The following CCDC60 variants were observed in gnomAD, a reference collection of about 807,000 sequenced individuals.
The protein encoded by CCDC60 is coiled-coil domain containing 60.
A neutral mutation model predicts 63.5 loss-of-function variants in CCDC60; 54 were observed. The ratio of observed to expected loss-of-function variants is 0.85; its 90% CI spans 0.68 to 1.07. The LOEUF (loss-of-function observed/expected upper bound fraction) is 1.07. Among genes scored for constraint, CCDC60 ranks in the 50% least tolerant of loss-of-function variants. CCDC60 has a pLI of 0.00. For missense variants in CCDC60, 651 were observed against 684.3 expected (o/e 0.95, Z 0.54); for synonymous variants, 206 against 238.8 (o/e 0.86, Z 1.27).
chr12:119,446,530 T>C (rs1950544282), intron 2 of CCDC60, among the ~76,000 whole-genome samples: 1 of 151,816 alleles, frequency 6.6e-6, no homozygotes, highest in Admixed American at 6.6e-5. Flanking sequence ...AAGATAAAAA[T>C]AAAAGCTTAA....
At chr12:119,394,512 G>A (rs1267515048) in intron 1 of CCDC60, among the ~76,000 whole-genome samples, 1 of 152,108 alleles carries the variant, frequency 6.6e-6, no homozygotes, top group Admixed American at 6.6e-5. Context: ...CTGCCCCCCA[G>A]GCATCCCCTA....
chr12:119,444,178 A>G (rs541350239), intron 2 of CCDC60, among the ~76,000 whole-genome samples: 1 of 152,352 alleles, frequency 6.6e-6, no homozygotes, highest in Non-Finnish European at 1.5e-5. Context: ...GCCTTGAAAG[A>G]CAAACAGCTA....
intron 1 of CCDC60, among the ~76,000 whole-genome samples, chr12:119,369,976 G>A (rs775905488): frequency 8.5e-5 from 13 of 152,112 alleles, no homozygotes; most frequent in Non-Finnish European, 1.9e-4. Flanking sequence ...CAAGACCCAG[G>A]CAGGAAATAC....
At chr12:119,427,795 G>C (rs1324866788) in intron 1 of CCDC60, among the ~76,000 whole-genome samples, 1 of 152,036 alleles carries the variant, frequency 6.6e-6, no homozygotes, top group East Asian at 1.9e-4. Context: ...TCTGATTATT[G>C]TTTCTCCAAA....
chr12:119,367,895 T>C (rs1330123590), intron 1 of CCDC60, among the ~76,000 whole-genome samples: 2 of 143,436 alleles, frequency 1.4e-5, no homozygotes, highest in African/African-American at 4.9e-5. Context: ...GGGTAATATA[T>C]AAAGGGGTTT....
intron 7 of CCDC60, among the ~76,000 whole-genome samples, chr12:119,512,562 T>C (rs474932): frequency 0.66 from 100,314 of 152,088 alleles, 34,858 homozygotes; most frequent in East Asian, 0.89. Flanking sequence ...GTGCAATGGA[T>C]GGAGATGGGA....
chr12:119,456,047 G>GAAAGA lies in CCDC60; in HGVS notation c.171-15944_171-15940dup, dbSNP rs1950739151. On this transcript the variant is annotated intron_variant, in intron 2 of 13. Transcript: ENST00000327554. The surrounding 1 kb of genome is among the most constrained non-coding windows in gnomAD (Gnocchi z 4.6). ...AGAAAGAAAGAAAGAAAGAAAGAAA[G>GAAAGA]AAAGAAAGAAAGAAAGCAAGCAAGC... Among the ~76,000 whole-genome samples the GAAAGA allele has an allele frequency of 6.8e-6, 1 of 147,316 alleles. No individual in the cohort carries two copies. The highest frequency in any genetic ancestry group is 2.5e-5 in the African/African-American group (1 of 39,748).
chr12:119,513,966 G>A (rs1233312938), intron 7 of CCDC60, among the ~76,000 whole-genome samples: 1 of 152,064 alleles, frequency 6.6e-6, no homozygotes, highest in African/African-American at 2.4e-5. Context: ...AGTGAATTGT[G>A]AAACAGCCCT....
intron 1 of CCDC60, among the ~76,000 whole-genome samples, chr12:119,361,005 G>A (rs538142579): frequency 0.055 from 8,389 of 151,806 alleles, 287 homozygotes; most frequent in Non-Finnish European, 0.069. Flanking sequence ...GCGTGGCGGC[G>A]TGCGCCTGCA....
rs754766528 is a variant in CCDC60 at position 119,519,451 on chromosome 12, G to GTATA, written c.969-656_969-653dup. On this transcript the variant is annotated intron_variant, in intron 8 of 13. Transcript: ENST00000327554. ...TGTGTGTGTGCGCGTGTGTGTGTGT[G>GTATA]TATATATATATATATATTTTTTTTT... Among the ~76,000 whole-genome samples, 676 of 125,978 alleles carry GTATA rather than the reference G, an allele frequency of 5.4e-3. 10 individuals are homozygous for GTATA. Among genetic ancestry groups the GTATA allele is most frequent in the African/African-American group, 0.011 (315 of 28,608 alleles). 82.6% of individuals were successfully genotyped at this position (125,978 alleles called of 152,430 possible). A position where few individuals can be genotyped will look rare whatever the true frequency, so the allele number is the denominator to read the frequency against.
intron 1 of CCDC60, among the ~76,000 whole-genome samples, chr12:119,338,241 G>A (rs1368741413): frequency 1.3e-5 from 2 of 152,132 alleles, no homozygotes; most frequent in Non-Finnish European, 2.9e-5. Flanking sequence ...TCAATAGAAA[G>A]TGACAAGCCA....
At chr12:119,523,098 C>A (rs1952574782) in intron 10 of CCDC60, 97 bp downstream of exon 10, 6 of 1,096,220 alleles carry the variant, frequency 5.5e-6, no homozygotes, top group African/African-American at 4.6e-5. Flanking sequence ...CAATGCAGAC[C>A]AGACTCCCTA....
intron 13 of CCDC60, among the ~76,000 whole-genome samples, chr12:119,539,529 C>T (rs552535208): frequency 3.9e-5 from 6 of 152,272 alleles, no homozygotes; most frequent in African/African-American, 1.4e-4. Flanking sequence ...GGACGTCCCT[C>T]CCCCCACCAA....
intron 4 of CCDC60, among the ~76,000 whole-genome samples, chr12:119,481,975 A>AGTATATATATGTATATATATAT (rs1951327828): frequency 7.0e-6 from 1 of 142,722 alleles, no homozygotes; most frequent in Non-Finnish European, 1.5e-5. Context: ...ATATATATAT[A>AGTATATATATGTATATATATAT]GTATATATAT....
chr12:119,464,925 A>G (rs973498517), intron 2 of CCDC60, among the ~76,000 whole-genome samples: 1 of 152,216 alleles, frequency 6.6e-6, no homozygotes, highest in African/African-American at 2.4e-5. Flanking sequence ...AAATTCATAC[A>G]TTGAAGTCCA....
intron 7 of CCDC60, among the ~76,000 whole-genome samples, chr12:119,515,896 T>C (rs1393533640): frequency 6.6e-6 from 1 of 152,146 alleles, no homozygotes; most frequent in African/African-American, 2.4e-5. Context: ...GGATTGCTGG[T>C]TTAAAACTTC....
chr12:119,519,467 A>AT (rs60025828), intron 8 of CCDC60, among the ~76,000 whole-genome samples: 1,332 of 95,274 alleles, frequency 0.014, 21 homozygotes, highest in Admixed American at 0.025. Flanking sequence ...ATATATATAT[A>AT]TTTTTTTTTT....
chr12:119,411,886 C>G (rs1033531230), intron 1 of CCDC60, among the ~76,000 whole-genome samples: 1 of 152,044 alleles, frequency 6.6e-6, no homozygotes, highest in Non-Finnish European at 1.5e-5. Context: ...CTGCCAACAA[C>G]CCTTCCAGCC....
Position 119,505,127 on chromosome 12 carries a change from G to A in CCDC60, c.707G>A (p.Gly236Asp), listed in dbSNP as rs1352777904. 6.2e-7 allele frequency: 1 copy of A among 1,613,260 alleles called. No individual in the cohort carries two copies. The highest frequency in any genetic ancestry group is 8.5e-7 in the Non-Finnish European group (1 of 1,179,522). Residue 236 changes from glycine to aspartate, a missense_variant, in exon 7 of 14, where the codon GGC (glycine) becomes GAC (aspartate). Gly to Asp is a moderately conservative substitution (Grantham distance 94). Transcript: ENST00000327554. ...ACCAACCGCAAACCAAGCCGGCGAG[G>A]CTCCACACTCAGTCTGAGTCGGGCC... ...RVTNRKPSRR[G>D]STLSLSRASG... is the part of the protein sequence containing the mutation.
Sources: gnomAD v4.1 joint callset for allele counts (sites outside exome capture counted in the v4.1 genomes callset) on GRCh38, gnomAD v4.1.1 for gene constraint, Gnocchi (gnomAD v3.1) non-coding constraint, MANE v1.5 for transcripts, NCBI Gene and HGNC (gene_info 2026-07-23, HGNC 2026-07-21) for gene names.